Variants in PTPRD observed in about 807,000 individuals in gnomAD.
The protein encoded by PTPRD is receptor-type tyrosine-protein phosphatase delta.
In PTPRD, 34 loss-of-function variants were observed where a neutral mutation model predicts 214.5. The ratio of observed to expected loss-of-function variants is 0.16; its 90% CI spans 0.12 to 0.21. The LOEUF is 0.21. Among genes scored for constraint, PTPRD ranks in the 10% least tolerant of loss-of-function variants. The pLI is 1.00. For synonymous variants in PTPRD, 1,128 were observed against 845.7 expected, an observed-to-expected ratio of 1.33 and a Z score of -5.79; for missense variants, 2,545 against 2,398.7, an observed-to-expected ratio of 1.06 and a Z score of -1.27.
At chr9:9,590,946 A>T (rs189731604) in intron 7 of PTPRD, among the ~76,000 whole-genome samples, 186 of 152,178 alleles carry the variant, frequency 1.2e-3, no homozygotes, top group African/African-American at 4.5e-3. Context: ...TATGTAATGA[A>T]ACACAAAATG....
intron 9 of PTPRD, among the ~76,000 whole-genome samples, chr9:9,369,868 A>G (rs1001493398): frequency 1.3e-5 from 2 of 152,182 alleles, no homozygotes; most frequent in Admixed American, 6.6e-5. Context: ...TAAATAGGGA[A>G]TCCTTTCCCC....
At chr9:9,330,998 C>A (rs921610432) in intron 9 of PTPRD, among the ~76,000 whole-genome samples, 2 of 151,050 alleles carry the variant, frequency 1.3e-5, no homozygotes, top group African/African-American at 4.9e-5. Context: ...CAGAGTAAAT[C>A]TGGTCATTTG....
intron 12 of PTPRD, among the ~76,000 whole-genome samples, chr9:8,729,509 T>C (rs1184012526): frequency 6.6e-6 from 1 of 152,194 alleles, no homozygotes. Flanking sequence ...CTAAATCTTG[T>C]TGAATAATGA....
chr9:10,117,612 GTTT>G (rs35593505), intron 3 of PTPRD, among the ~76,000 whole-genome samples: 10 of 144,664 alleles, frequency 6.9e-5, no homozygotes, highest in Middle Eastern at 3.3e-3. Context: ...AAATCTCCCC[GTTT>G]TTTTTTTTTT....
intron 3 of PTPRD, among the ~76,000 whole-genome samples, chr9:10,223,936 G>A (rs1252238658): frequency 1.3e-5 from 2 of 151,416 alleles, no homozygotes. Context: ...ACTTTCCAAT[G>A]GCTTTATGTA....
At chr9:8,889,225 C>A (rs999312435) in intron 11 of PTPRD, among the ~76,000 whole-genome samples, 2 of 151,712 alleles carry the variant, frequency 1.3e-5, no homozygotes, top group Non-Finnish European at 2.9e-5. Context: ...TTACTAAAAC[C>A]AGAAATACAG....
At chr9:10,523,964 C>T (rs527405541) in intron 2 of PTPRD, among the ~76,000 whole-genome samples, 1 of 152,074 alleles carries the variant, frequency 6.6e-6, no homozygotes, top group African/African-American at 2.4e-5. Context: ...TATTTTCTCT[C>T]AGTTCTGCAA....
At chr9:9,958,826 T>G (rs2094146144) in intron 4 of PTPRD, among the ~76,000 whole-genome samples, 1 of 152,172 alleles carries the variant, frequency 6.6e-6, no homozygotes, top group Non-Finnish European at 1.5e-5. Flanking sequence ...TATTAGACAC[T>G]ACTATACCTA....
intron 4 of PTPRD, among the ~76,000 whole-genome samples, chr9:9,995,797 C>T (rs997677670): frequency 6.6e-6 from 1 of 152,116 alleles, no homozygotes; most frequent in Non-Finnish European, 1.5e-5. Context: ...TTTCTGCCCC[C>T]AGATTATATT....
In PTPRD at chr9:10,343,978, G is replaced by GTTT. The variant is rs139613939; in HGVS notation, c.-599-2964_-599-2962dup. Among the ~76,000 whole-genome samples the GTTT allele has an allele frequency of 6.0e-3, 190 of 31,662 alleles. 53 individuals carry two copies. The highest frequency in any genetic ancestry group is 9.4e-3 in the South Asian group (7 of 746). The allele number at this position is 31,662 out of a possible 152,430, so 20.8% of individuals were successfully genotyped here. On this transcript the variant is annotated intron_variant, in intron 2 of 45. Coordinates refer to ENST00000381196, the MANE Select transcript of PTPRD (RefSeq NM_002839.4). The stretch of plus-strand genomic sequence containing the variant: ...AGGTTGCCTGTTCATTCTGATGGTA[G>GTTT]TTTTTTTTTTTTTTTTTTTTTTTTT...
intron 14 of PTPRD, among the ~76,000 whole-genome samples, chr9:8,588,994 A>G (rs1265746099): frequency 6.6e-6 from 1 of 152,228 alleles, no homozygotes; most frequent in Non-Finnish European, 1.5e-5. Context: ...AAACTAAAAT[A>G]TAAATAATGT....
chr9:8,325,261 GAGTTAATTTTTGTATAAGGAAGGGATCC>G (rs1832496398), intron 44 of PTPRD, among the ~76,000 whole-genome samples: 1 of 148,410 alleles, frequency 6.7e-6, no homozygotes, highest in African/African-American at 2.5e-5. Flanking sequence ...AATCCATCTT[GAGTTAATTTTTGTATAAGGAAGGGATCC>G]AGTCTCAGTT....
rs537380185 is a variant in PTPRD at position 9,282,980 on chromosome 9, G to C, written c.-202-99617C>G. ...GGTATGAAGAAACATTCTTCCACAGGGGACAATATCCACTCTCATCTGACT... is the reference window on the plus strand; with the variant it reads ...GGTATGAAGAAACATTCTTCCACAGCGGACAATATCCACTCTCATCTGACT... On this transcript the variant is annotated intron_variant, in intron 9 of 45. Transcript: ENST00000381196. 3.8e-4 allele frequency among the ~76,000 whole-genome samples: 57 copies of C among 151,424 alleles called. 1 individual carries two copies. In the South Asian group the frequency reaches 0.012, roughly 31 times the overall value.
chr9:9,108,661 C>T (rs147789004), intron 10 of PTPRD, among the ~76,000 whole-genome samples: 15 of 152,146 alleles, frequency 9.9e-5, no homozygotes, highest in Non-Finnish European at 1.8e-4. Flanking sequence ...AATGCTTTAC[C>T]CAAGAGTAAT....
chr9:10,344,716 G>GT (rs2097031879), intron 2 of PTPRD, among the ~76,000 whole-genome samples: 1 of 151,986 alleles, frequency 6.6e-6, no homozygotes, highest in African/African-American at 2.4e-5. Context: ...TTGAGCAGTG[G>GT]TTTGTAGTTC....
rs137920067 is a variant in PTPRD at position 9,794,212 on chromosome 9, T to C, written c.-367-27361A>G. 1.0e-3 allele frequency among the ~76,000 whole-genome samples: 157 copies of C among 151,218 alleles called. 4 individuals are homozygous for C. In the East Asian group the frequency reaches 0.03, roughly 29 times the overall value. ...ATATGTGTGTGTGTGTATATATATA[T>C]ATATACACGTACATATACATATATA... On this transcript the variant is annotated intron_variant, in intron 5 of 45. Coordinates refer to ENST00000381196, the MANE Select transcript of PTPRD (RefSeq NM_002839.4).
At chr9:9,627,182 C>T (rs2095448751) in intron 7 of PTPRD, among the ~76,000 whole-genome samples, 1 of 152,116 alleles carries the variant, frequency 6.6e-6, no homozygotes, top group South Asian at 2.1e-4. Context: ...AGGTGTACAT[C>T]TGTAGTCCCA....
chr9:8,795,212 T>A lies in PTPRD; in HGVS notation c.-103-61266A>T, dbSNP rs533067720. Among the ~76,000 whole-genome samples the A allele has an allele frequency of 3.5e-4, 52 of 150,180 alleles. No individual in the cohort carries two copies. In the South Asian group the frequency reaches 8.5e-3, roughly 25 times the overall value. The stretch of plus-strand genomic sequence containing the variant: ...ATGAGTCTCACTCTGTCACCCAGGC[T>A]GGAGTGCAATGGCATGATCTCGGCT... On this transcript the variant is annotated intron_variant, in intron 11 of 45. Transcript: ENST00000381196.
intron 4 of PTPRD, among the ~76,000 whole-genome samples, chr9:9,986,528 A>G (rs1267342086): frequency 6.6e-6 from 1 of 152,162 alleles, no homozygotes; most frequent in Non-Finnish European, 1.5e-5. Flanking sequence ...CTCAAAGCAT[A>G]ATCTCTAAAT....
Sources: allele counts gnomAD v4.1 joint callset (sites outside exome capture counted in the v4.1 genomes callset), GRCh38; gene constraint gnomAD v4.1.1; transcripts MANE v1.5; gene names NCBI Gene and HGNC (gene_info 2026-07-23, HGNC 2026-07-21).